The following ADAM12 variants were observed in gnomAD, a reference collection of about 807,000 sequenced individuals.
ADAM12 encodes the protein ADAM metallopeptidase domain 12.
In ADAM12, 70 loss-of-function variants were observed where a neutral mutation model predicts 106.4. The ratio of observed to expected loss-of-function variants is 0.66; its 90% CI spans 0.54 to 0.80. The LOEUF (loss-of-function observed/expected upper bound fraction) is 0.80. Ranked by LOEUF, ADAM12 falls within the 30% of genes least tolerant of loss-of-function variation. The pLI, the probability that ADAM12 is intolerant of heterozygous loss-of-function variation, is 0.00. For missense variants in ADAM12, 1,010 were observed against 1,171.9 expected (o/e 0.86, Z 2.02); for synonymous variants, 420 against 433.5 (o/e 0.97, Z 0.39).
At chr10:126,241,880 G>A (rs1421392231) in intron 3 of ADAM12, among the ~76,000 whole-genome samples, 1 of 151,878 alleles carries the variant, frequency 6.6e-6, no homozygotes, top group Non-Finnish European at 1.5e-5. Flanking sequence ...TAGTACATTT[G>A]TAGTTAGTCC....
chr10:126,361,540 A>G (rs1196944441), intron 1 of ADAM12, among the ~76,000 whole-genome samples: 2 of 152,218 alleles, frequency 1.3e-5, no homozygotes, highest in Non-Finnish European at 2.9e-5. Flanking sequence ...AAACTATACT[A>G]CAAAGTGATA....
At chr10:126,178,860 A>T (rs570787150) in intron 3 of ADAM12, among the ~76,000 whole-genome samples, 30 of 152,230 alleles carry the variant, frequency 2.0e-4, no homozygotes, top group Admixed American at 1.3e-4. Flanking sequence ...CAGCCTGGCC[A>T]ACGTGGTGAA....
intron 3 of ADAM12, among the ~76,000 whole-genome samples, chr10:126,220,682 C>G (rs56266841): frequency 6.6e-6 from 1 of 152,230 alleles, no homozygotes; most frequent in Non-Finnish European, 1.5e-5. Context: ...CTCTGTGATG[C>G]TAATGATGGG....
chr10:126,268,345 T>C (rs1307394079), intron 3 of ADAM12, among the ~76,000 whole-genome samples: 1 of 152,248 alleles, frequency 6.6e-6, no homozygotes, highest in Non-Finnish European at 1.5e-5. Flanking sequence ...TCATTTTACG[T>C]ATGCCACATT....
intron 2 of ADAM12, among the ~76,000 whole-genome samples, chr10:126,312,142 A>C (rs928531501): frequency 4.0e-5 from 6 of 151,780 alleles, no homozygotes; most frequent in Non-Finnish European, 8.8e-5. Context: ...AAAAAAAAAA[A>C]AAAAAAAAAA....
At chr10:126,192,617 A>G (rs1272738383) in intron 3 of ADAM12, among the ~76,000 whole-genome samples, 1 of 152,242 alleles carries the variant, frequency 6.6e-6, no homozygotes, top group Non-Finnish European at 1.5e-5. Context: ...GCACATACTT[A>G]ACTTACAATT....
intron 6 of ADAM12, among the ~76,000 whole-genome samples, chr10:126,112,839 G>C (rs1369563853): frequency 6.6e-6 from 1 of 152,078 alleles, no homozygotes; most frequent in Non-Finnish European, 1.5e-5. Context: ...GTGTCCTCCT[G>C]AAACTCATAT....
At chr10:126,107,431 G>A (rs931056073) in intron 8 of ADAM12, among the ~76,000 whole-genome samples, 6 of 152,204 alleles carry the variant, frequency 3.9e-5, no homozygotes, top group African/African-American at 9.7e-5. Context: ...GATGCAGAGT[G>A]CATAAGGTCT....
chr10:126,370,207 A>T (rs190011717), intron 1 of ADAM12, among the ~76,000 whole-genome samples: 37 of 152,328 alleles, frequency 2.4e-4, no homozygotes, highest in African/African-American at 8.9e-4. Context: ...GAGGACCCAG[A>T]TAAGTTGTGC....
At chr10:126,031,367 G>T (rs1012812901) in intron 21 of ADAM12, among the ~76,000 whole-genome samples, 1 of 152,328 alleles carries the variant, frequency 6.6e-6, no homozygotes, top group Middle Eastern at 3.4e-3. Flanking sequence ...CACCCACACA[G>T]GTCCAGAAGG....
At chr10:126,294,837 G>A (rs2133786968) in intron 2 of ADAM12, among the ~76,000 whole-genome samples, 1 of 152,152 alleles carries the variant, frequency 6.6e-6, no homozygotes, top group Admixed American at 6.5e-5. Flanking sequence ...AAATAGTTCA[G>A]AAAAGATTTC....
intron 3 of ADAM12, among the ~76,000 whole-genome samples, chr10:126,231,022 T>G (rs1006454953): frequency 6.6e-6 from 1 of 152,186 alleles, no homozygotes; most frequent in Non-Finnish European, 1.5e-5. Context: ...CAAAAACATT[T>G]TATTAAGAAC....
chr10:126,311,912 C>A (rs542025311), intron 2 of ADAM12, among the ~76,000 whole-genome samples: 1 of 152,046 alleles, frequency 6.6e-6, no homozygotes, highest in African/African-American at 2.4e-5. Flanking sequence ...AATTATTGAG[C>A]CTGACAAGGG....
chr10:126,211,316 C>G (rs1254748252), intron 3 of ADAM12, among the ~76,000 whole-genome samples: 2 of 152,162 alleles, frequency 1.3e-5, no homozygotes, highest in East Asian at 1.9e-4. Flanking sequence ...GCTAGGCAGG[C>G]GGCATACCCC....
Position 126,337,903 on chromosome 10 carries a change from T to C in ADAM12, c.89-7394A>G, listed in dbSNP as rs186933316. ...TTCTGGCTTTTCTATAACTGGCACA[T>C]TATTACTTTTATGATGAAAAAATAA... On this transcript the variant is annotated intron_variant, in intron 1 of 22. Coordinates refer to ENST00000448723, the MANE Select transcript of ADAM12 (RefSeq NM_001288973.2). Among the ~76,000 whole-genome samples the C allele has an allele frequency of 5.3e-4, 81 of 152,230 alleles. No homozygotes were observed. The Middle Eastern group carries it at 0.01, about 19-fold the overall frequency.
intron 1 of ADAM12, among the ~76,000 whole-genome samples, chr10:126,380,697 C>T (rs540943687): frequency 6.6e-6 from 1 of 152,288 alleles, no homozygotes; most frequent in Admixed American, 6.5e-5. Context: ...AAATGCACAG[C>T]AACTACTCTC....
chr10:126,200,125 G>C (rs931855299), intron 3 of ADAM12, among the ~76,000 whole-genome samples: 6 of 152,118 alleles, frequency 3.9e-5, no homozygotes, highest in African/African-American at 1.2e-4. Flanking sequence ...TTTCCATGCA[G>C]GGTCTGACCT....
chr10:126,156,895 GT>G (rs2133727798), intron 3 of ADAM12, among the ~76,000 whole-genome samples: 1 of 152,356 alleles, frequency 6.6e-6, no homozygotes, highest in Non-Finnish European at 1.5e-5. Context: ...TGGGTTTTCT[GT>G]GTCTGGACAA....
chr10:126,326,116 G>A (rs1486556531), intron 2 of ADAM12, among the ~76,000 whole-genome samples: 6 of 152,086 alleles, frequency 3.9e-5, no homozygotes, highest in African/African-American at 1.2e-4. Context: ...CAGCCGAATC[G>A]ACTTGACCAG....
Sources: allele counts gnomAD v4.1 joint callset (sites outside exome capture counted in the v4.1 genomes callset), GRCh38; gene constraint gnomAD v4.1.1; transcripts MANE v1.5; gene names NCBI Gene and HGNC (gene_info 2026-07-23, HGNC 2026-07-21).